THSD7B: variants seen among roughly 807,000 people sequenced by gnomAD.
The protein encoded by THSD7B is thrombospondin type-1 domain-containing protein 7B.
Under a neutral mutation model 213.6 loss-of-function variants are expected in THSD7B, and 138 were observed. The observed-to-expected ratio is 0.65, with a 90% CI of 0.56 to 0.74. The LOEUF (loss-of-function observed/expected upper bound fraction) is 0.74. Among genes scored for constraint, THSD7B ranks in the 30% least tolerant of loss-of-function variants. The pLI is 0.00. For synonymous variants in THSD7B, 742 were observed against 687.0 expected (o/e 1.08, Z -1.25); for missense variants, 1,931 against 1,991.5 (o/e 0.97, Z 0.58).
rs374618340 is a variant in THSD7B, at chr2:137,415,490, CT to C, written c.2959+3619del. Among the ~76,000 whole-genome samples the C allele has an allele frequency of 4.3e-3, 657 of 152,190 alleles. 8 individuals carry two copies. The highest frequency in any genetic ancestry group is 7.7e-3 in the South Asian group (37 of 4,816). On this transcript the variant is annotated intron_variant, in intron 14 of 27. Transcript: ENST00000409968. ...GTTTGTCTCTAAGTTCTGTCAGCCC[CT>C]ATTGGCTCTTAATGAGTTCCATCAC...
chr2:137,133,692 G>A (rs1217660041), intron 5 of THSD7B, among the ~76,000 whole-genome samples: 1 of 152,122 alleles, frequency 6.6e-6, no homozygotes, highest in Non-Finnish European at 1.5e-5. Context: ...GGAGCCACAT[G>A]AAAAATGCAT....
chr2:136,867,341 G>A (rs942087442), intron 1 of THSD7B, among the ~76,000 whole-genome samples: 5 of 152,104 alleles, frequency 3.3e-5, no homozygotes, highest in Admixed American at 6.6e-5. Context: ...TTTGAAGCCC[G>A]TGGGTTTCCA....
intron 1 of THSD7B, among the ~76,000 whole-genome samples, chr2:136,829,230 A>T (rs1682710000): frequency 6.6e-6 from 1 of 151,620 alleles, no homozygotes; most frequent in African/African-American, 2.4e-5. Context: ...AGCACATAGT[A>T]GGTTTTGAAC....
intron 1 of THSD7B, among the ~76,000 whole-genome samples, chr2:136,792,926 C>T (rs187056539): frequency 7.9e-5 from 12 of 152,026 alleles, no homozygotes; most frequent in Admixed American, 2.6e-4. Context: ...TAGTTAATTC[C>T]TTGGTATTGC....
At chr2:136,906,880 C>G (rs1684170349) in intron 2 of THSD7B, among the ~76,000 whole-genome samples, 1 of 144,574 alleles carries the variant, frequency 6.9e-6, no homozygotes, top group Non-Finnish European at 1.5e-5. Context: ...AAGTATGAAG[C>G]TATGCAAACT....
intron 1 of THSD7B, among the ~76,000 whole-genome samples, chr2:136,875,836 A>G (rs369153456): frequency 1.6e-4 from 25 of 152,324 alleles, no homozygotes; most frequent in African/African-American, 6.0e-4. Context: ...TTTCTTTGGA[A>G]TTAAAATTCA....
intron 2 of THSD7B, among the ~76,000 whole-genome samples, chr2:136,921,234 A>T (rs2105034660): frequency 6.6e-6 from 1 of 151,944 alleles, no homozygotes; most frequent in East Asian, 1.9e-4. Flanking sequence ...AAAAAAAAAA[A>T]AAAACCACAT....
intron 5 of THSD7B, among the ~76,000 whole-genome samples, chr2:137,155,658 T>C (rs551899797): frequency 9.2e-5 from 14 of 152,262 alleles, no homozygotes; most frequent in Non-Finnish European, 1.5e-4. Flanking sequence ...AGTATGATAG[T>C]CATTTGAACT....
intron 13 of THSD7B, among the ~76,000 whole-genome samples, chr2:137,409,585 G>T (rs894518143): frequency 6.6e-6 from 1 of 152,182 alleles, no homozygotes; most frequent in African/African-American, 2.4e-5. Flanking sequence ...TAAAATTGAA[G>T]AAATATGTAT....
At chr2:137,134,154 G>T (rs911371778) in intron 5 of THSD7B, among the ~76,000 whole-genome samples, 5 of 152,176 alleles carry the variant, frequency 3.3e-5, no homozygotes, top group Non-Finnish European at 5.9e-5. Context: ...ATTATACACA[G>T]GAAGAAAGTG....
At chr2:136,793,361 T>C (rs993581979) in intron 1 of THSD7B, among the ~76,000 whole-genome samples, 1 of 152,054 alleles carries the variant, frequency 6.6e-6, no homozygotes, top group African/African-American at 2.4e-5. Flanking sequence ...CATGGCTTAT[T>C]TTCCATTGGT....
intron 12 of THSD7B, among the ~76,000 whole-genome samples, chr2:137,307,301 C>T (rs1356845398): frequency 6.6e-6 from 1 of 152,072 alleles, no homozygotes; most frequent in East Asian, 1.9e-4. Flanking sequence ...TCCTTTCCAT[C>T]CCTCCCACCA....
Position 136,882,194 on chromosome 2 carries a change from A to C in THSD7B, c.16A>C (p.Asn6His). The C allele has an allele frequency of 2.6e-6, 4 of 1,518,478 alleles. No individual in the cohort carries two copies. Among genetic ancestry groups the C allele is most frequent in the Non-Finnish European group, 3.5e-6 (4 of 1,133,666 alleles). 94.1% of individuals were successfully genotyped at this position (1,518,478 alleles called of 1,614,324 possible). Reference protein sequence around the residue: MFPKSNLTVTCWVWRS... With the variant: MFPKSHLTVTCWVWRS... ...AATCTGAAGCATGTTTCCAAAGAGC[A>C]ACCTAACAGTCACTTGCTGGGTATG... Residue 6 changes from asparagine (N) to histidine (H), a missense_variant, in exon 2 of 28, where the codon AAC (asparagine) becomes CAC (histidine). Coordinates refer to ENST00000409968, the MANE Select transcript of THSD7B (RefSeq NM_001316349.2).
intron 20 of THSD7B, among the ~76,000 whole-genome samples, chr2:137,624,954 A>G (rs1427008954): frequency 6.6e-6 from 1 of 152,220 alleles, no homozygotes; most frequent in Non-Finnish European, 1.5e-5. Context: ...ATACCATTTG[A>G]CCCAGCGATC....
At chr2:137,645,812 A>C (rs889296366) in intron 21 of THSD7B, among the ~76,000 whole-genome samples, 1 of 152,200 alleles carries the variant, frequency 6.6e-6, no homozygotes, top group Non-Finnish European at 1.5e-5. Context: ...CTAATACTCC[A>C]CAGTAAAACA....
At chr2:137,036,808 T>TTG (rs1403461235) in intron 2 of THSD7B, among the ~76,000 whole-genome samples, 1 of 152,084 alleles carries the variant, frequency 6.6e-6, no homozygotes, top group East Asian at 1.9e-4. Flanking sequence ...TCTACTGGAG[T>TTG]TCTTGTCTGT....
At chr2:137,635,149 A>G (rs1385797736) in intron 20 of THSD7B, among the ~76,000 whole-genome samples, 1 of 152,104 alleles carries the variant, frequency 6.6e-6, no homozygotes, top group African/African-American at 2.4e-5. Flanking sequence ...CCCTACTATG[A>G]TTTCGGTCTT....
rs564661335 is a variant in THSD7B, at chr2:136,985,862, A to G, written c.140-70558A>G. Reference sequence around the variant, plus strand: ...GCACCCTGCAAAGCCACAGGGCAGAACTGCCCAAGGCTTTGGGAGCCCACT... The same window carrying G: ...GCACCCTGCAAAGCCACAGGGCAGAGCTGCCCAAGGCTTTGGGAGCCCACT... On this transcript the variant is annotated intron_variant, in intron 2 of 27. Coordinates refer to ENST00000409968, the MANE Select transcript of THSD7B (RefSeq NM_001316349.2). Among the ~76,000 whole-genome samples the G allele has an allele frequency of 4.3e-4, 66 of 152,382 alleles. No homozygotes were observed. In the South Asian group the frequency reaches 0.014, roughly 32 times the overall value.
At chr2:136,927,201 C>T (rs79523652) in intron 2 of THSD7B, among the ~76,000 whole-genome samples, 2,760 of 151,178 alleles carry the variant, frequency 0.018, 43 homozygotes, top group East Asian at 0.048. Flanking sequence ...TTTGCTTCTC[C>T]CTCCCACTGT....
Sources: allele counts gnomAD v4.1 joint callset (sites outside exome capture counted in the v4.1 genomes callset), GRCh38; gene constraint gnomAD v4.1.1; transcripts MANE v1.5; gene names NCBI Gene and HGNC (gene_info 2026-07-23, HGNC 2026-07-21).